DNAI2: variants seen among roughly 807,000 people sequenced by gnomAD.
DNAI2 encodes dynein, axonemal, intermediate polypeptide 2.
Under a neutral mutation model 74.7 loss-of-function variants are expected in DNAI2, and 63 were observed. The observed-to-expected ratio is 0.84, with a 90% CI of 0.69 to 1.04. The LOEUF (loss-of-function observed/expected upper bound fraction) is 1.04. DNAI2 is among the 50% of genes least tolerant of loss of function. DNAI2 has a pLI of 0.00. For synonymous variants in DNAI2, 289 were observed against 314.9 expected (o/e 0.92, Z 0.87); for missense variants, 688 against 803.2 (o/e 0.86, Z 1.73).
chr17:74,312,099 G>A lies in DNAI2; in HGVS notation c.1591G>A (p.Glu531Lys), dbSNP rs371217895. Residue 531 changes from glutamate (E) to lysine (K), a missense_variant, in exon 12 of 14, where the codon GAG (glutamate) becomes AAG (lysine). Physicochemically the swap from Glu to Lys is moderately conservative, Grantham distance 56. Coordinates refer to ENST00000311014, the MANE Select transcript of DNAI2 (RefSeq NM_023036.6). ...EKGKAEGRDEEQTDEELAVDL... is the reference protein window; with the variant it reads ...EKGKAEGRDEKQTDEELAVDL... ...GGGTAAGGCGGAGGGCAGGGATGAG[G>A]AGCAGACCGATGAGGAGCTGGCCGT... 50 of 1,613,456 alleles carry A rather than the reference G, an allele frequency of 3.1e-5. No homozygotes were observed. Among genetic ancestry groups the A allele is most frequent in the Non-Finnish European group, 4.0e-5 (47 of 1,179,960 alleles).
chr17:74,291,791 G>A (rs1336227045), intron 6 of DNAI2, among the ~76,000 whole-genome samples: 3 of 152,186 alleles, frequency 2.0e-5, no homozygotes, highest in African/African-American at 7.2e-5. Flanking sequence ...ACATGCTAAC[G>A]GATATGGGTA....
chr17:74,283,201 C>T (rs1213709930), intron 2 of DNAI2, among the ~76,000 whole-genome samples: 1 of 152,218 alleles, frequency 6.6e-6, no homozygotes, highest in African/African-American at 2.4e-5. Flanking sequence ...AGTTTTGGAA[C>T]TAGGTGGGGT....
intron 6 of DNAI2, among the ~76,000 whole-genome samples, chr17:74,297,973 C>T (rs1317247762): frequency 6.6e-6 from 1 of 152,240 alleles, no homozygotes; most frequent in Non-Finnish European, 1.5e-5. Context: ...CCCCGATCTC[C>T]CTCTCAGACC....
intron 1 of DNAI2, among the ~76,000 whole-genome samples, chr17:74,278,681 G>A (rs987149259): frequency 2.0e-5 from 3 of 152,158 alleles, no homozygotes; most frequent in Non-Finnish European, 2.9e-5. Flanking sequence ...GGAGGCTGAA[G>A]CAGGAGAACC....
rs1037110861 is a variant in DNAI2 at position 74,289,822 on chromosome 17, G to A, written c.610+86G>A. 3.8e-6 allele frequency: 6 copies of A among 1,574,778 alleles called. No individual in the cohort carries two copies. In the Admixed American group the frequency reaches 5.1e-5, roughly 13 times the overall value. On this transcript the variant is annotated intron_variant, in intron 5 of 13. Coordinates refer to ENST00000311014, the MANE Select transcript of DNAI2 (RefSeq NM_023036.6). ...GAGGAGCGGGAGGGAGGGGCAGGAG[G>A]TCAAGGACACTCACGCGGTTGGTGC...
At chr17:74,282,141 G>A in intron 2 of DNAI2, 141 bp downstream of exon 2, 2 of 988,296 alleles carry the variant, frequency 2.0e-6, no homozygotes, top group Non-Finnish European at 3.1e-6. Flanking sequence ...GGAAGTGAGG[G>A]CAGAGGCTCC....
At chr17:74,303,899 G>A (rs1430374067) in intron 8 of DNAI2, among the ~76,000 whole-genome samples, 1 of 152,104 alleles carries the variant, frequency 6.6e-6, no homozygotes, top group East Asian at 1.9e-4. Context: ...GCCGATGTGT[G>A]CAGATCACTT....
chr17:74,306,423 A>G (rs955370370), intron 9 of DNAI2, among the ~76,000 whole-genome samples: 3 of 152,072 alleles, frequency 2.0e-5, no homozygotes, highest in East Asian at 1.9e-4. Flanking sequence ...GAGCACTGCC[A>G]TGTGTATTGT....
chr17:74,314,005 C>T (rs2053682621), intron 12 of DNAI2, 116 bp from the exon 13 acceptor site: 12 of 1,566,318 alleles, frequency 7.7e-6, no homozygotes, highest in East Asian at 2.3e-5. Flanking sequence ...GGGTGCTCAG[C>T]GACCCAGGCT....
At position 74,314,803 on chromosome 17, in the gene DNAI2, GA is replaced by G. The variant is rs2053732739; in HGVS notation, c.*271del. ...CAAGTATGTGGGAGGGGACGGGCGG[GA>G]CGAGCTTGGCTGTTCTGCTGCACCT... is the stretch of plus-strand genomic sequence containing the variant. On this transcript the variant is annotated 3_prime_UTR_variant, in exon 14 of 14. Coordinates refer to ENST00000311014, the MANE Select transcript of DNAI2 (RefSeq NM_023036.6). The G allele has an allele frequency of 5.9e-6, 1 of 169,878 alleles. No individual in the cohort carries two copies. The highest frequency in any genetic ancestry group is 5.4e-5 in the Admixed American group (1 of 18,594). 10.5% of individuals were successfully genotyped at this position (169,878 alleles called of 1,614,324 possible).
intron 3 of DNAI2, among the ~76,000 whole-genome samples, chr17:74,285,939 T>C (rs951770455): frequency 5.0e-5 from 7 of 140,054 alleles, no homozygotes; most frequent in African/African-American, 1.6e-4. Context: ...AGGAGATGAG[T>C]GCCATATACA....
At chr17:74,301,779 C>CCA (rs2052783020) in intron 8 of DNAI2, among the ~76,000 whole-genome samples, 1 of 140,464 alleles carries the variant, frequency 7.1e-6, no homozygotes, top group African/African-American at 2.7e-5. Context: ...TGAGACCCCC[C>CCA]CCACCGCCCG....
At chr17:74,280,551 A>G (rs1375240352) in intron 1 of DNAI2, among the ~76,000 whole-genome samples, 1 of 152,108 alleles carries the variant, frequency 6.6e-6, no homozygotes, top group East Asian at 1.9e-4. Context: ...CTGGTTGGAG[A>G]GAAGAGATTT....
intron 12 of DNAI2, chr17:74,313,831 G>A (rs1021120347): frequency 2.2e-5 from 10 of 451,380 alleles, no homozygotes; most frequent in Admixed American, 1.4e-4. Flanking sequence ...TCCTCTCTAT[G>A]GGTGAGGGGG....
chr17:74,276,025 C>A (rs948489939), intron 1 of DNAI2, among the ~76,000 whole-genome samples: 3 of 152,164 alleles, frequency 2.0e-5, no homozygotes, highest in Non-Finnish European at 2.9e-5. Flanking sequence ...TCTCCTTATT[C>A]CACTAGGGAG....
intron 6 of DNAI2, among the ~76,000 whole-genome samples, chr17:74,291,741 G>A (rs755944944): frequency 1.1e-4 from 17 of 152,206 alleles, no homozygotes; most frequent in East Asian, 1.9e-4. Flanking sequence ...TGATGAGAGC[G>A]TTGGGGAGCC....
In DNAI2 at chr17:74,314,173, C is replaced by CG. The variant is rs1381191283; in HGVS notation, c.1780dup (p.Glu594GlyfsTer5). ...GTGGTGGAGGAGGGAGAGGAAGCAG[C>CG]GGGGGAAGAAGGGGATGAAGAAGTG... On this transcript the variant is annotated frameshift_variant, in exon 13 of 14. Coordinates refer to ENST00000311014, the MANE Select transcript of DNAI2 (RefSeq NM_023036.6). LOFTEE classifies it high-confidence loss of function. The CG allele has an allele frequency of 6.2e-7, 1 of 1,614,018 alleles. No individual in the cohort carries two copies. The highest frequency in any genetic ancestry group is 8.5e-7 in the Non-Finnish European group (1 of 1,179,998).
intron 12 of DNAI2, 155 bp from the exon 13 acceptor site, chr17:74,313,966 C>A: frequency 3.3e-6 from 4 of 1,222,788 alleles, no homozygotes; most frequent in Non-Finnish European, 4.7e-6. Flanking sequence ...TGGGCCCTCA[C>A]CAGCCGCAGA....
At chr17:74,309,885 C>A in intron 10 of DNAI2, 132 bp from the exon 11 acceptor site, 1 of 1,216,680 alleles carries the variant, frequency 8.2e-7, no homozygotes, top group Non-Finnish European at 1.2e-6. Flanking sequence ...TGAACTTCAT[C>A]CTGTGGGCAG....
Sources: allele counts gnomAD v4.1 joint callset (sites outside exome capture counted in the v4.1 genomes callset), GRCh38; gene constraint gnomAD v4.1.1; transcripts MANE v1.5; gene names NCBI Gene and HGNC (gene_info 2026-07-23, HGNC 2026-07-21).